The following PROS1 variants were observed in gnomAD, a reference collection of about 807,000 sequenced individuals.
PROS1 encodes the protein protein S.
Under a neutral mutation model 75.9 loss-of-function variants are expected in PROS1, and 29 were observed. The observed-to-expected ratio is 0.38, with a 90% CI of 0.28 to 0.52. PROS1 has a LOEUF of 0.52. Ranked by LOEUF, PROS1 falls within the 20% of genes least tolerant of loss-of-function variation. The pLI is 0.83. For missense variants in PROS1, 680 were observed against 810.3 expected (o/e 0.84, Z 1.95); for synonymous variants, 245 against 280.6 (o/e 0.87, Z 1.27).
At chr3:93,896,524 C>T in intron 9 of PROS1, 52 bp downstream of exon 9, 1 of 1,359,322 alleles carries the variant, frequency 7.4e-7, no homozygotes, top group Non-Finnish European at 1.1e-6. Context: ...CACTTTTCTT[C>T]TGCCCTTATC....
At chr3:93,922,047 C>T (rs1708949808) in intron 3 of PROS1, among the ~76,000 whole-genome samples, 2 of 152,176 alleles carry the variant, frequency 1.3e-5, no homozygotes, top group Admixed American at 6.5e-5. Flanking sequence ...CAATCCCCCA[C>T]CACACATACC....
chr3:93,913,411 G>A (rs1708790191), intron 3 of PROS1, among the ~76,000 whole-genome samples: 1 of 152,154 alleles, frequency 6.6e-6, no homozygotes, highest in Non-Finnish European at 1.5e-5. Flanking sequence ...GAGGTCCCCT[G>A]CACAAGCTCT....
intron 4 of PROS1, 106 bp downstream of exon 4, chr3:93,910,513 C>T (rs1708744058): frequency 3.3e-6 from 3 of 920,176 alleles, no homozygotes; most frequent in Non-Finnish European, 5.2e-6. Flanking sequence ...TACAACCCAT[C>T]AAAGGATCAT....
chr3:93,932,235 G>C (rs954797204), intron 1 of PROS1, among the ~76,000 whole-genome samples: 6 of 152,140 alleles, frequency 3.9e-5, no homozygotes, highest in Non-Finnish European at 7.3e-5. Flanking sequence ...AATCATAACT[G>C]TTCTAAGTAG....
intron 1 of PROS1, among the ~76,000 whole-genome samples, chr3:93,955,301 C>T (rs1252896676): frequency 1.3e-5 from 2 of 152,122 alleles, no homozygotes; most frequent in Non-Finnish European, 2.9e-5. Flanking sequence ...GCACTATTCA[C>T]AATAGCAAAG....
chr3:93,890,374 C>T (rs1217695198), intron 10 of PROS1, among the ~76,000 whole-genome samples: 2 of 152,110 alleles, frequency 1.3e-5, no homozygotes, highest in African/African-American at 4.8e-5. Flanking sequence ...CTGATTTTGC[C>T]CTTGTCCTGT....
chr3:93,925,452 G>A (rs114919335), intron 2 of PROS1, among the ~76,000 whole-genome samples: 3 of 151,976 alleles, frequency 2.0e-5, no homozygotes, highest in African/African-American at 7.3e-5. Context: ...GTGGACTGTG[G>A]TATTAGGGAT....
chr3:93,892,398 G>A lies in PROS1; in HGVS notation c.1155+535C>T, dbSNP rs555532380. ...CCAGGACTTTGGGAGGCCAAGGCAA[G>A]TGGATCACCTGAGGTCTGGAGTTCG... On this transcript the variant is annotated intron_variant, in intron 10 of 14. Coordinates refer to ENST00000394236, the MANE Select transcript of PROS1 (RefSeq NM_000313.4). Among the ~76,000 whole-genome samples, 42 of 151,772 alleles carry A rather than the reference G, an allele frequency of 2.8e-4. 1 individual carries two copies. The South Asian group carries it at 5.4e-3, about 20-fold the overall frequency.
Position 93,879,199 on chromosome 3 carries a change from A to C in PROS1, c.1608T>G (p.Ala536=). ...CAGAGGTGGAGTCCACCAAGGACAC[A>C]GCAAAGGGCACTGTGTTGTTACCAG... The part of the protein sequence containing the change: ...LVSGNNTVPF[A]VSLVDSTSEK... The change falls in exon 13 of 15, where the codon GCT becomes GCG. Residue 536 remains alanine, a synonymous_variant. Transcript: ENST00000394236. 2 of 1,614,226 alleles carry C rather than the reference A, an allele frequency of 1.2e-6. No homozygotes were observed. Among genetic ancestry groups the C allele is most frequent in the Admixed American group, 3.3e-5 (2 of 60,022 alleles).
At chr3:93,943,463 G>A (rs1414061582) in intron 1 of PROS1, among the ~76,000 whole-genome samples, 1 of 151,934 alleles carries the variant, frequency 6.6e-6, no homozygotes, top group Non-Finnish European at 1.5e-5. Context: ...TACAACCAAT[G>A]TCACTTCTAA....
At chr3:93,907,124 A>G (rs559584447) in intron 4 of PROS1, among the ~76,000 whole-genome samples, 30 of 152,350 alleles carry the variant, frequency 2.0e-4, no homozygotes, top group Admixed American at 1.1e-3. Context: ...CTGGGCTACC[A>G]GTCCTGCTGA....
chr3:93,944,010 A>G (rs1709338273), intron 1 of PROS1, among the ~76,000 whole-genome samples: 1 of 152,228 alleles, frequency 6.6e-6, no homozygotes. Context: ...CTAGGTGATT[A>G]AAAAGCTTTA....
chr3:93,884,420 A>C (rs1708316427), intron 12 of PROS1, among the ~76,000 whole-genome samples: 1 of 152,234 alleles, frequency 6.6e-6, no homozygotes, highest in African/African-American at 2.4e-5. Flanking sequence ...TGATGCATTC[A>C]TTGATAGACT....
intron 1 of PROS1, among the ~76,000 whole-genome samples, chr3:93,929,338 G>T (rs1475440632): frequency 6.6e-6 from 1 of 152,028 alleles, no homozygotes; most frequent in Non-Finnish European, 1.5e-5. Flanking sequence ...AATTGTCCAG[G>T]TGTAGTGGTG....
rs1451059287 is a variant in PROS1 at position 93,898,579 on chromosome 3, A to G, written c.728-10T>C. ...GAGCATTCATCTATATCTGAGGTAA[A>G]AAAAACACACGCACACAAACTTTAA... On this transcript the variant is annotated splice_polypyrimidine_tract_variant and intron_variant, in intron 7 of 14. Transcript: ENST00000394236. The G allele has an allele frequency of 1.2e-6, 2 of 1,611,728 alleles. No individual in the cohort carries two copies. Among genetic ancestry groups the G allele is most frequent in the African/African-American group, 2.7e-5 (2 of 74,842 alleles).
At chr3:93,953,081 TA>T (rs1185766348) in intron 1 of PROS1, among the ~76,000 whole-genome samples, 1 of 152,140 alleles carries the variant, frequency 6.6e-6, no homozygotes. Context: ...ATTGAGGCAA[TA>T]ATGAATAGCC....
chr3:93,907,789 T>C (rs1708699465), intron 4 of PROS1, among the ~76,000 whole-genome samples: 3 of 152,222 alleles, frequency 2.0e-5, no homozygotes, highest in African/African-American at 7.2e-5. Context: ...GTAATTTAGA[T>C]ATTTTTCCAA....
At chr3:93,934,057 C>T (rs928756429) in intron 1 of PROS1, among the ~76,000 whole-genome samples, 15 of 142,130 alleles carry the variant, frequency 1.1e-4, no homozygotes, top group African/African-American at 4.0e-4. Context: ...GTGGGCACCT[C>T]TAATCCCAGT....
intron 12 of PROS1, among the ~76,000 whole-genome samples, chr3:93,882,793 C>CCT (rs1246283032): frequency 2.0e-5 from 3 of 152,016 alleles, no homozygotes; most frequent in Non-Finnish European, 4.4e-5. Flanking sequence ...TCCGAAAAAG[C>CCT]CTCTCTCTTA....
Sources: allele counts gnomAD v4.1 joint callset (sites outside exome capture counted in the v4.1 genomes callset), GRCh38; gene constraint gnomAD v4.1.1; transcripts MANE v1.5; gene names NCBI Gene and HGNC (gene_info 2026-07-23, HGNC 2026-07-21).